Variants in TOLLIP observed in about 807,000 individuals in gnomAD.
The protein encoded by TOLLIP is toll interacting protein.
In TOLLIP, 16 loss-of-function variants were observed where a neutral mutation model predicts 33.5. The ratio of observed to expected loss-of-function variants is 0.48; its 90% confidence interval spans 0.32 to 0.72. The LOEUF is 0.72. Ranked by LOEUF, TOLLIP falls within the 30% of genes least tolerant of loss-of-function variation. The pLI, the probability that TOLLIP is intolerant of heterozygous loss-of-function variation, is 0.03. For missense variants in TOLLIP, 325 were observed against 396.6 expected (o/e 0.82, Z 1.53); for synonymous variants, 176 against 163.7 (o/e 1.07, Z -0.57).
At chr11:1,300,701 G>C (rs1379553784) in intron 1 of TOLLIP, among the ~76,000 whole-genome samples, 3 of 152,192 alleles carry the variant, frequency 2.0e-5, no homozygotes, top group Non-Finnish European at 2.9e-5. Flanking sequence ...CAGAGCCCCG[G>C]AAGAGCCCAG....
At chr11:1,300,093 CT>C in intron 1 of TOLLIP, among the ~76,000 whole-genome samples, 1 of 152,318 alleles carries the variant, frequency 6.6e-6, no homozygotes, top group South Asian at 2.1e-4. Context: ...TTTTTAGAAA[CT>C]TTTTAAAAAC....
intron 4 of TOLLIP, among the ~76,000 whole-genome samples, chr11:1,287,871 G>GCCTCCCTGCTGCACCCTCCCTGCTGCAC (rs1263879550): frequency 3.6e-5 from 1 of 27,416 alleles, no homozygotes; most frequent in East Asian, 5.4e-4. Flanking sequence ...CTCTGCTGCA[G>GCCTCCCTGCTGCACCCTCCCTGCTGCAC]CCTCCCTGCT....
At chr11:1,295,092 G>T (rs1000679073) in intron 2 of TOLLIP, among the ~76,000 whole-genome samples, 12 of 152,088 alleles carry the variant, frequency 7.9e-5, no homozygotes, top group African/African-American at 2.9e-4. Flanking sequence ...GAAAGCCTGC[G>T]TGGCTCACAG....
At position 1,297,612 on chromosome 11, in the gene TOLLIP, C is replaced by T. The variant is rs188591370; in HGVS notation, c.34-1818G>A. On this transcript the variant is annotated intron_variant, in intron 1 of 5. Coordinates refer to ENST00000317204, the MANE Select transcript of TOLLIP (RefSeq NM_019009.4). ...CCCCGTTTTTGACTGGGACACGTCA[C>T]GAGTGACCTTTGCCCTGTGAGAGAA... 5.0e-3 allele frequency among the ~76,000 whole-genome samples: 764 copies of T among 152,392 alleles called. 4 individuals carry two copies. Among genetic ancestry groups the T allele is most frequent in the Non-Finnish European group, 7.3e-3 (496 of 68,036 alleles).
In TOLLIP at chr11:1,292,874, G is replaced by T. The variant is rs369566335; in HGVS notation, c.184-2465C>A. On this transcript the variant is annotated intron_variant, in intron 2 of 5. Coordinates refer to ENST00000317204, the MANE Select transcript of TOLLIP (RefSeq NM_019009.4). ...GGTATGCGGGCTGCAGGATCTGGAG[G>T]AAGAGCTGCAGGAAGCGGGAGGAGA... Among the ~76,000 whole-genome samples the T allele has an allele frequency of 8.1e-4, 123 of 152,396 alleles. 3 individuals carry two copies. The South Asian group carries it at 0.024, about 30-fold the overall frequency.
In TOLLIP at chr11:1,275,254, C is replaced by T. The variant is rs1863254210; in HGVS notation, c.*1785G>A. On this transcript the variant is annotated 3_prime_UTR_variant, in exon 6 of 6. Coordinates refer to ENST00000317204, the MANE Select transcript of TOLLIP (RefSeq NM_019009.4). ...CATGTGCACGCGTGTGGCAGTCTCA[C>T]TGCACCCCAGCAACGCGAAGGCAGA... is the stretch of plus-strand genomic sequence containing the variant. 1 of 152,260 alleles carries T rather than the reference C, an allele frequency of 6.6e-6. No homozygotes were observed. Among genetic ancestry groups the T allele is most frequent in the African/African-American group, 2.4e-5 (1 of 41,456 alleles). The allele number at this position is 152,260 out of a possible 1,614,324, so 9.4% of individuals were successfully genotyped here. A position where few individuals can be genotyped will look rare whatever the true frequency, so the allele number is the denominator to read the frequency against.
rs1200199184 is a variant in TOLLIP at position 1,277,500 on chromosome 11, C to T, written c.611-247G>A. 6.6e-6 allele frequency among the ~76,000 whole-genome samples: 1 copy of T among 152,184 alleles called. No individual in the cohort carries two copies. The highest frequency in any genetic ancestry group is 1.5e-5 in the Non-Finnish European group (1 of 68,030). On this transcript the variant is annotated intron_variant, in intron 5 of 5. Transcript: ENST00000317204. The surrounding 1 kb of genome is among the most constrained non-coding windows in gnomAD (Gnocchi z 4.2). ...ACGCCTCCTTCACTAACTCATCTTC[C>T]TTCCATATAAAAATCAAAGTTTGAT...
intron 1 of TOLLIP, among the ~76,000 whole-genome samples, chr11:1,308,081 T>C (rs546182601): frequency 1.3e-3 from 201 of 152,312 alleles, no homozygotes; most frequent in African/African-American, 4.7e-3. Context: ...AGAGCCACTG[T>C]TGATAAAAAC....
chr11:1,305,023 T>C lies in TOLLIP; in HGVS notation c.33+4443A>G, dbSNP rs959219511. On this transcript the variant is annotated intron_variant, in intron 1 of 5. Coordinates refer to ENST00000317204, the MANE Select transcript of TOLLIP (RefSeq NM_019009.4). ...AAGTTTTCAGAAAAATGTAAAATCATAGAAGGAAAAAGTACTAGGTGAATA... is the reference window on the plus strand; with the variant it reads ...AAGTTTTCAGAAAAATGTAAAATCACAGAAGGAAAAAGTACTAGGTGAATA... Among the ~76,000 whole-genome samples the C allele has an allele frequency of 5.9e-5, 9 of 152,290 alleles. No homozygotes were observed. The East Asian group carries it at 7.7e-4, about 13-fold the overall frequency.
At chr11:1,281,041 A>C (rs1462869940) in intron 5 of TOLLIP, among the ~76,000 whole-genome samples, 1 of 152,246 alleles carries the variant, frequency 6.6e-6, no homozygotes, top group South Asian at 2.1e-4. Context: ...ATGCTTCATG[A>C]GGCCACGCGG....
In TOLLIP at chr11:1,277,253, C is replaced by A. The variant is rs1863341967; in HGVS notation, c.611G>T (p.Gly204Val). ...QQGVGYVPIT[G>V]MPAVCSPGMV... The stretch of plus-strand genomic sequence containing the variant: ...GCCGGGGCTACAGACAGCGGGCATC[C>A]CTGGAAGCAAAGATCAAGTTTGGTA... The change falls in exon 6 of 6, where the codon GGG becomes GTG. Residue 204 changes from glycine to valine, a missense_variant and splice_region_variant. Physicochemically the swap from Gly to Val is moderately radical, Grantham distance 109 (BLOSUM62 -3). Coordinates refer to ENST00000317204, the MANE Select transcript of TOLLIP (RefSeq NM_019009.4). This position sits in a 1 kb window ranked among gnomAD's most constrained non-coding sequence, Gnocchi z 4.2. The A allele has an allele frequency of 1.3e-6, 2 of 1,542,232 alleles. No homozygotes were observed. Among genetic ancestry groups the A allele is most frequent in the African/African-American group, 1.4e-5 (1 of 72,616 alleles).
At position 1,276,823 on chromosome 11, in the gene TOLLIP, C is replaced by T. The variant is rs1413992509; in HGVS notation, c.*216G>A. 22 of 1,530,090 alleles carry T rather than the reference C, an allele frequency of 1.4e-5. No individual in the cohort carries two copies. Among genetic ancestry groups the T allele is most frequent in the East Asian group, 2.5e-5 (1 of 40,544 alleles). 94.8% of individuals were successfully genotyped at this position (1,530,090 alleles called of 1,614,324 possible). A position where few individuals can be genotyped will look rare whatever the true frequency, so the allele number is the denominator to read the frequency against. ...GAGAGCGCGCTGAGACCTCCCAGCA[C>T]GAGATGGGAGGGGAGCCCCCGCCCC... On this transcript the variant is annotated 3_prime_UTR_variant, in exon 6 of 6. Coordinates refer to ENST00000317204, the MANE Select transcript of TOLLIP (RefSeq NM_019009.4).
intron 2 of TOLLIP, among the ~76,000 whole-genome samples, chr11:1,292,392 T>C (rs1191447926): frequency 1.3e-5 from 2 of 152,250 alleles, no homozygotes. Context: ...GCTTTCTGGG[T>C]GGCACATGGG....
intron 2 of TOLLIP, among the ~76,000 whole-genome samples, chr11:1,292,704 G>A (rs538153901): frequency 7.2e-5 from 11 of 152,378 alleles, no homozygotes; most frequent in Admixed American, 2.0e-4. Context: ...CCCCCACAAC[G>A]GGCAAGAGAC....
rs1247119827 is a variant in TOLLIP at position 1,277,787 on chromosome 11, G to C, written c.611-534C>G. Among the ~76,000 whole-genome samples, 1 of 152,198 alleles carries C rather than the reference G, an allele frequency of 6.6e-6. No homozygotes were observed. The highest frequency in any genetic ancestry group is 1.5e-5 in the Non-Finnish European group (1 of 68,046). On this transcript the variant is annotated intron_variant, in intron 5 of 5. Transcript: ENST00000317204. This position sits in a 1 kb window ranked among gnomAD's most constrained non-coding sequence, Gnocchi z 4.2. ...AAGTGTGTCACTAAACTGTGTGCCGGTGGGGAACAATCACCACAGGCACTG... is the reference window on the plus strand; with the variant it reads ...AAGTGTGTCACTAAACTGTGTGCCGCTGGGGAACAATCACCACAGGCACTG...
chr11:1,300,191 A>C (rs1013690649), intron 1 of TOLLIP, among the ~76,000 whole-genome samples: 1 of 152,256 alleles, frequency 6.6e-6, no homozygotes, highest in Non-Finnish European at 1.5e-5. Flanking sequence ...CTGAAAATAA[A>C]AGCTACTTTT....
At chr11:1,296,430 A>T (rs1252913891) in intron 1 of TOLLIP, among the ~76,000 whole-genome samples, 1 of 152,228 alleles carries the variant, frequency 6.6e-6, no homozygotes, top group Non-Finnish European at 1.5e-5. Flanking sequence ...AGGCAGGACA[A>T]TGCCATCCCG....
At chr11:1,308,634 G>C (rs760961428) in intron 1 of TOLLIP, among the ~76,000 whole-genome samples, 3 of 152,256 alleles carry the variant, frequency 2.0e-5, no homozygotes, top group South Asian at 2.1e-4. Flanking sequence ...GCAACTCTCA[G>C]GAGAGAATTC....
At chr11:1,295,542 T>C in intron 2 of TOLLIP, 103 bp downstream of exon 2, 2 of 1,350,122 alleles carry the variant, frequency 1.5e-6, no homozygotes, top group Non-Finnish European at 9.9e-7. Flanking sequence ...TCAGAAGTTC[T>C]GTTTGCCCGC....
Sources: allele counts gnomAD v4.1 joint callset (sites outside exome capture counted in the v4.1 genomes callset), GRCh38; gene constraint gnomAD v4.1.1; non-coding constraint Gnocchi (gnomAD v3.1); transcripts MANE v1.5; gene names NCBI Gene and HGNC (gene_info 2026-07-23, HGNC 2026-07-21).